HHIPL1: variants seen among roughly 807,000 people sequenced by gnomAD.
The protein encoded by HHIPL1 is HHIP like 1, also known as HHIP-like protein 1.
A neutral mutation model predicts 61.8 loss-of-function variants in HHIPL1; 43 were observed. The ratio of observed to expected loss-of-function variants is 0.70; its 90% CI spans 0.55 to 0.90. HHIPL1 has a LOEUF of 0.90. Among genes scored for constraint, HHIPL1 ranks in the 40% least tolerant of loss-of-function variants. HHIPL1 has a pLI of 0.00. For missense variants in HHIPL1, 1,056 were observed against 1,157.7 expected (o/e 0.91, Z 1.28); for synonymous variants, 482 against 515.8 (o/e 0.93, Z 0.89).
At chr14:99,672,521 T>G (rs2056337043) in intron 8 of HHIPL1, 122 bp downstream of exon 8, 1 of 748,856 alleles carries the variant, frequency 1.3e-6, no homozygotes, top group Non-Finnish European at 2.3e-6. Flanking sequence ...TCAGCCCCTG[T>G]GCCTAGCACT....
the HHIPL1 span, among the ~76,000 whole-genome samples, chr14:99,618,098 C>T: frequency 2.0e-5 from 3 of 152,226 alleles, no homozygotes; most frequent in Non-Finnish European, 4.4e-5. Context: ...CTTCCCTTGA[C>T]TGTACCATCT....
chr14:99,616,631 G>A, the HHIPL1 span, among the ~76,000 whole-genome samples: 1 of 152,154 alleles, frequency 6.6e-6, no homozygotes, highest in Non-Finnish European at 1.5e-5. Flanking sequence ...TAGGAATTGG[G>A]TGGAGAGAGA....
At chr14:99,612,300 TG>T in the HHIPL1 span, among the ~76,000 whole-genome samples, 1 of 152,132 alleles carries the variant, frequency 6.6e-6, no homozygotes, top group Non-Finnish European at 1.5e-5. Flanking sequence ...CCTTGACACG[TG>T]GGGATTATTA....
the HHIPL1 span, among the ~76,000 whole-genome samples, chr14:99,632,728 G>A: frequency 6.8e-4 from 103 of 152,308 alleles, 3 homozygotes; most frequent in East Asian, 0.019. Flanking sequence ...CAAGCGTTAA[G>A]ACTGAAGTCT....
At chr14:99,650,035 T>C (rs2055900934) in intron 1 of HHIPL1, among the ~76,000 whole-genome samples, 1 of 152,188 alleles carries the variant, frequency 6.6e-6, no homozygotes, top group African/African-American at 2.4e-5. Flanking sequence ...CCTGGGACAG[T>C]AACTGACCAG....
chr14:99,641,471 T>C (rs1214565391), upstream of HHIPL1, among the ~76,000 whole-genome samples: 3 of 151,590 alleles, frequency 2.0e-5, no homozygotes, highest in African/African-American at 4.8e-5. Flanking sequence ...TGGAGAGCAA[T>C]GGTGCAATCC....
upstream of HHIPL1, among the ~76,000 whole-genome samples, chr14:99,643,240 A>G (rs563742155): frequency 9.2e-5 from 14 of 151,738 alleles, no homozygotes; most frequent in Non-Finnish European, 1.6e-4. Context: ...AGATTTCACC[A>G]TGTTGACCAG....
the HHIPL1 span, among the ~76,000 whole-genome samples, chr14:99,634,485 T>C: frequency 6.6e-6 from 1 of 152,318 alleles, no homozygotes; most frequent in Non-Finnish European, 1.5e-5. Flanking sequence ...GTTTCTTGAA[T>C]CTCTGAGAGG....
chr14:99,635,560 C>T, the HHIPL1 span, among the ~76,000 whole-genome samples: 2 of 152,150 alleles, frequency 1.3e-5, no homozygotes, highest in African/African-American at 4.8e-5. Flanking sequence ...CTGGGGTCTC[C>T]TCCTCTGAAG....
intron 1 of HHIPL1, 116 bp downstream of exon 1, chr14:99,645,578 A>G: frequency 9.1e-7 from 1 of 1,097,910 alleles, no homozygotes; most frequent in Non-Finnish European, 1.1e-6. Context: ...CGGGAACTCT[A>G]AGCCCCAACA....
At chr14:99,669,338 T>A in intron 7 of HHIPL1, 1 of 1,010,920 alleles carries the variant, frequency 9.9e-7, no homozygotes, top group Non-Finnish European at 1.2e-6. Flanking sequence ...TCTGAACGTC[T>A]CTTCAACACT....
At chr14:99,655,140 G>C (rs1265149404) in intron 2 of HHIPL1, among the ~76,000 whole-genome samples, 1 of 152,122 alleles carries the variant, frequency 6.6e-6, no homozygotes, top group Non-Finnish European at 1.5e-5. Context: ...CCAATGCCGG[G>C]TGGATGACCG....
At chr14:99,649,971 C>G (rs915928113) in intron 1 of HHIPL1, among the ~76,000 whole-genome samples, 2 of 152,252 alleles carry the variant, frequency 1.3e-5, no homozygotes, top group Admixed American at 6.5e-5. Context: ...GCCTGGCCAT[C>G]TGGCCTGCTC....
chr14:99,675,150 C>A lies in HHIPL1; in HGVS notation c.1873C>A (p.Pro625Thr). The A allele has an allele frequency of 9.0e-7, 1 of 1,109,102 alleles. No homozygotes were observed. The highest frequency in any genetic ancestry group is 1.1e-6 in the Non-Finnish European group (1 of 902,598). The allele number at this position is 1,109,102 out of a possible 1,614,324, so 68.7% of individuals were successfully genotyped here. A position where few individuals can be genotyped will look rare whatever the true frequency, so the allele number is the denominator to read the frequency against. ...TACAGCGCGGGCGCCCACGCGGGCG[C>A]CCCGCCGAGGGCGCCCCACGGCCGC... ...RPTARAPTRAPRRGRPTAAPP... is the reference protein window; with the variant it reads ...RPTARAPTRATRRGRPTAAPP... Residue 625 changes from proline (P) to threonine (T), a missense_variant, in exon 9 of 9, where the codon CCC becomes ACC. By Grantham distance (38) the Pro-to-Thr change is conservative. Transcript: ENST00000330710. This position sits in a 1 kb window ranked among gnomAD's most constrained non-coding sequence, Gnocchi z 5.4.
At chr14:99,619,741 A>G in the HHIPL1 span, among the ~76,000 whole-genome samples, 28 of 132,828 alleles carry the variant, frequency 2.1e-4, no homozygotes, top group African/African-American at 7.5e-4. Context: ...CATTTGCCCT[A>G]TGTCACAGCC....
At chr14:99,670,956 G>A (rs1176890524) in intron 7 of HHIPL1, among the ~76,000 whole-genome samples, 1 of 152,122 alleles carries the variant, frequency 6.6e-6, no homozygotes, top group African/African-American at 2.4e-5. Context: ...ATCATCTTCG[G>A]TTTTTCCAAT....
Position 99,645,375 on chromosome 14 carries a change from G to C in HHIPL1, c.168G>C (p.Leu56=). 1.4e-6 allele frequency: 2 copies of C among 1,438,674 alleles called. No individual in the cohort carries two copies. The highest frequency in any genetic ancestry group is 1.8e-6 in the Non-Finnish European group (2 of 1,099,382). 89.1% of individuals were successfully genotyped at this position (1,438,674 alleles called of 1,614,324 possible). The change falls in exon 1 of 9, where the codon CTG becomes CTC. Residue 56 remains leucine (L), a synonymous_variant. Transcript: ENST00000330710. ...GCGATGAGGGGCGCGACGCCGAGCT[G>C]ACCCGCCGCTTCTGGGCCCTGGCGA... The part of the protein sequence containing the change: ...GCCDEGRDAE[L]TRRFWALASR...
chr14:99,674,586 C>T (rs181791648), intron 8 of HHIPL1, among the ~76,000 whole-genome samples: 24 of 152,302 alleles, frequency 1.6e-4, no homozygotes, highest in African/African-American at 5.3e-4. Context: ...CTGCTGGCCA[C>T]TGGCCACCAC....
rs1185813850 is a variant in HHIPL1, at chr14:99,675,551, C to T, written c.2274C>T (p.Asn758=). Reference sequence around the variant, plus strand: ...GGAACCTGCTGGAGTGCCAGCACAACGGCGTGGGCACCCACAACTGCGAGC... The same window carrying T: ...GGAACCTGCTGGAGTGCCAGCACAATGGCGTGGGCACCCACAACTGCGAGC... ...WERNLLECQH[N]GVGTHNCEHD... The change falls in exon 9 of 9, where the codon AAC becomes AAT. Residue 758 remains asparagine (N), a synonymous_variant. Transcript: ENST00000330710. The surrounding 1 kb of genome is among the most constrained non-coding windows in gnomAD (Gnocchi z 5.4). 6 of 1,539,488 alleles carry T rather than the reference C, an allele frequency of 3.9e-6. No homozygotes were observed. The highest frequency in any genetic ancestry group is 3.9e-5 in the Admixed American group (2 of 50,932).
Sources: gnomAD v4.1 joint callset for allele counts (sites outside exome capture counted in the v4.1 genomes callset) on GRCh38, gnomAD v4.1.1 for gene constraint, Gnocchi (gnomAD v3.1) non-coding constraint, MANE v1.5 for transcripts, NCBI Gene and HGNC (gene_info 2026-07-23, HGNC 2026-07-21) for gene names.